The following PPM1J variants were observed in gnomAD, a reference collection of about 807,000 sequenced individuals.
PPM1J encodes the protein protein phosphatase, Mg2+/Mn2+ dependent 1J.
In PPM1J, 43 loss-of-function variants were observed where a neutral mutation model predicts 53.3. The ratio of observed to expected loss-of-function variants is 0.81; its 90% CI spans 0.63 to 1.04. PPM1J has a LOEUF of 1.04. PPM1J is among the 50% of genes least tolerant of loss of function. PPM1J has a pLI of 0.00. For synonymous variants in PPM1J, 267 were observed against 286.4 expected (o/e 0.93, Z 0.68); for missense variants, 635 against 685.9 (o/e 0.93, Z 0.83).
Position 112,714,990 on chromosome 1 carries a change from G to A in PPM1J, c.312C>T (p.Ser104=). The A allele has an allele frequency of 6.9e-7, 1 of 1,444,064 alleles. No individual in the cohort carries two copies. The highest frequency in any genetic ancestry group is 9.1e-7 in the Non-Finnish European group (1 of 1,104,756). The allele number at this position is 1,444,064 out of a possible 1,614,324, so 89.5% of individuals were successfully genotyped here. ...GGGGCGCTCACTCGGCGTAGCCTGT[G>A]CTCCAGGGCAGGCGGCGGCCCGTGT... ...PPDTGRRLPW[S]TGYAEVINAG... is the part of the protein sequence containing the mutation. Residue 104 remains serine (S), a synonymous_variant, in exon 1 of 10, where the codon AGC becomes AGT. Transcript: ENST00000309276.
In PPM1J at chr1:112,710,796, T is replaced by C; in HGVS notation, c.1166A>G (p.Lys389Arg). ...VTRGLGDHSL[K>R]VCSSTLPIKP... ...GATGGGCAGGGTGGAACTGCAGACCTTAAGGCTGTGGTCTCCCAAGCCTCG... is the reference window on the plus strand; with the variant it reads ...GATGGGCAGGGTGGAACTGCAGACCCTAAGGCTGTGGTCTCCCAAGCCTCG... Residue 389 changes from lysine to arginine, a missense_variant, in exon 8 of 10, where the codon AAG (lysine) becomes AGG (arginine). Physicochemically the swap from Lys to Arg is conservative, Grantham distance 26 (BLOSUM62 2). Transcript: ENST00000309276. 6.2e-7 allele frequency: 1 copy of C among 1,613,988 alleles called. No homozygotes were observed. Among genetic ancestry groups the C allele is most frequent in the Non-Finnish European group, 8.5e-7 (1 of 1,179,908 alleles).
Position 112,711,046 on chromosome 1 carries a change from C to T in PPM1J, c.1072G>A (p.Asp358Asn). Residue 358 changes from aspartate (D) to asparagine (N), a missense_variant, in exon 7 of 10, where the codon GAT becomes AAT. Coordinates refer to ENST00000309276, the MANE Select transcript of PPM1J (RefSeq NM_005167.7). ...CCACAGACCAGAGGAAACCTGAGAT[C>T]CTCCAGCTCGATCTTTTTGTAGGCC... ...GWAYKKIELE[D>N]LRFPLVCGEG... The T allele has an allele frequency of 6.2e-7, 1 of 1,614,078 alleles. No individual in the cohort carries two copies. Among genetic ancestry groups the T allele is most frequent in the Non-Finnish European group, 8.5e-7 (1 of 1,179,978 alleles).
In PPM1J at chr1:112,710,540, C is replaced by T; in HGVS notation, c.1290G>A (p.Leu430=). The T allele has an allele frequency of 6.2e-7, 1 of 1,614,226 alleles. No homozygotes were observed. Among genetic ancestry groups the T allele is most frequent in the Non-Finnish European group, 8.5e-7 (1 of 1,180,026 alleles). The change falls in exon 9 of 10, where the codon CTG becomes CTA. Residue 430 remains leucine (L), a synonymous_variant. Transcript: ENST00000309276. ...CCTCACAGTCAGTAGTGACATCCCA[C>T]AGGCCATCTGTTCCCAGGACTAGCA... ...DDVLVLGTDG[L]WDVTTDCEVA...
In PPM1J at chr1:112,710,597, G is replaced by C; in HGVS notation, c.1233C>G (p.Asp411Glu). ...CTGGGCAGTGCTCATATTGTGTCAG[G>C]TCATACACTCGTACCTGGTGGGAGA... ...LSCFPEVRVY[D>E]LTQYEHCPDD... Residue 411 changes from aspartate to glutamate, a missense_variant, in exon 9 of 10, where the codon GAC (aspartate) becomes GAG (glutamate). By Grantham distance (45) the Asp-to-Glu change is conservative. Coordinates refer to ENST00000309276, the MANE Select transcript of PPM1J (RefSeq NM_005167.7). 1 of 1,614,162 alleles carries C rather than the reference G, an allele frequency of 6.2e-7. No individual in the cohort carries two copies. The highest frequency in any genetic ancestry group is 1.1e-5 in the South Asian group (1 of 91,084).
chr1:112,715,052 C>T lies in PPM1J; in HGVS notation c.250G>A (p.Asp84Asn), dbSNP rs745504930. The change falls in exon 1 of 10, where the codon GAT becomes AAT. Residue 84 changes from aspartate to asparagine, a missense_variant. By Grantham distance (23) the Asp-to-Asn change is conservative. Transcript: ENST00000309276. The surrounding 1 kb of genome is among the most constrained non-coding windows in gnomAD (Gnocchi z 4.4). ...TGCACAGCCCGGCCCGCGTGGTCAT[C>T]GGCGCGTCGCAGCCCCCCGGGGCTC... ...QLSPGGLRRA[D>N]DHAGRAVQSP... 5 of 1,535,524 alleles carry T rather than the reference C, an allele frequency of 3.3e-6. No individual in the cohort carries two copies. In the Admixed American group the frequency reaches 6.0e-5, roughly 18 times the overall value.
intron 2 of PPM1J, 84 bp downstream of exon 2, chr1:112,713,413 C>T: frequency 1.1e-6 from 1 of 939,488 alleles, no homozygotes; most frequent in Non-Finnish European, 1.7e-6. Context: ...ATCAGGTCTT[C>T]CGCATGGCTC....
At position 112,713,577 on chromosome 1, in the gene PPM1J, C is replaced by T; in HGVS notation, c.361G>A (p.Asp121Asn). Residue 121 changes from aspartate to asparagine, a missense_variant, in exon 2 of 10, where the codon GAC (aspartate) becomes AAC (asparagine). Coordinates refer to ENST00000309276, the MANE Select transcript of PPM1J (RefSeq NM_005167.7). ...TACACCACTTCACAGCAAGCCTGGT[C>T]CTCATTGTGCCGACTCTTGCCAGCA... Reference protein sequence around the residue: ...INAGKSRHNEDQACCEVVYVE... With the variant: ...INAGKSRHNENQACCEVVYVE... 1 of 1,614,176 alleles carries T rather than the reference C, an allele frequency of 6.2e-7. No individual in the cohort carries two copies. Among genetic ancestry groups the T allele is most frequent in the Non-Finnish European group, 8.5e-7 (1 of 1,180,030 alleles).
In PPM1J at chr1:112,711,409, G is replaced by T. The variant is rs756647635; in HGVS notation, c.928-25C>A. On this transcript the variant is annotated intron_variant, in intron 5 of 9. Coordinates refer to ENST00000309276, the MANE Select transcript of PPM1J (RefSeq NM_005167.7). ...CCTGGAGTTGGGGATGATCAGAACA[G>T]AGAGCCAGGGGGCATTATGCTCACA... is the stretch of plus-strand genomic sequence containing the variant. 5.6e-6 allele frequency: 8 copies of T among 1,440,574 alleles called. 1 individual carries two copies. The South Asian group carries it at 9.6e-5, about 17-fold the overall frequency. 89.2% of individuals were successfully genotyped at this position (1,440,574 alleles called of 1,614,324 possible).
In PPM1J at chr1:112,710,212, T is replaced by G. The variant is rs1426513191; in HGVS notation, c.1469A>C (p.Asp490Ala). 6.3e-7 allele frequency: 1 copy of G among 1,583,738 alleles called. No homozygotes were observed. The highest frequency in any genetic ancestry group is 2.2e-5 in the East Asian group (1 of 44,644). ...CAGGGGGATGACGAAGACAGAGATG[T>G]CATCCCCGGAACCCAGCTTGTTGTT... ...LPNNKLGSGDDISVFVIPLGG... is the reference protein window; with the variant it reads ...LPNNKLGSGDAISVFVIPLGG... Residue 490 changes from aspartate (D) to alanine (A), a missense_variant, in exon 10 of 10, where the codon GAC becomes GCC. Coordinates refer to ENST00000309276, the MANE Select transcript of PPM1J (RefSeq NM_005167.7).
intron 2 of PPM1J, among the ~76,000 whole-genome samples, 155 bp downstream of exon 2, chr1:112,713,342 A>C (rs921268282): frequency 6.6e-6 from 1 of 152,198 alleles, no homozygotes; most frequent in Non-Finnish European, 1.5e-5. Flanking sequence ...TACATGGTAG[A>C]ATCTAACTGA....
Position 112,715,061 on chromosome 1 carries a change from G to A in PPM1J, c.241C>T (p.Arg81Ter). ...CGGCCCGCGTGGTCATCGGCGCGTC[G>A]CAGCCCCCCGGGGCTCAGCTGCAGA... ...TFLQLSPGGL[R>*]RADDHAGRAV... The change falls in exon 1 of 10, where the codon CGA (arginine) becomes TGA (stop). Residue 81 changes from arginine (R) to a stop codon, truncating the protein, a stop_gained. Transcript: ENST00000309276. LOFTEE classifies it high-confidence loss of function. The surrounding 1 kb of genome is among the most constrained non-coding windows in gnomAD (Gnocchi z 4.4). 5 of 1,541,522 alleles carry A rather than the reference G, an allele frequency of 3.2e-6. No homozygotes were observed. Among genetic ancestry groups the A allele is most frequent in the East Asian group, 2.6e-5 (1 of 38,748 alleles).
chr1:112,711,210 C>T (rs1675048507), intron 6 of PPM1J, 56 bp downstream of exon 6: 19 of 1,490,946 alleles, frequency 1.3e-5, no homozygotes, highest in South Asian at 6.8e-5. Context: ...TTGCTGCGGG[C>T]GAGGGACTGG....
chr1:112,711,078 A>C lies in PPM1J; in HGVS notation c.1047-7T>G, dbSNP rs1457418364. Reference sequence around the variant, plus strand: ...CTCGATCTTTTTGTAGGCCCTGGGGAGGGGGGAGTAGAGGAGGCATCACCC... The same window carrying C: ...CTCGATCTTTTTGTAGGCCCTGGGGCGGGGGGAGTAGAGGAGGCATCACCC... On this transcript the variant is annotated splice_polypyrimidine_tract_variant and splice_region_variant and intron_variant, in intron 6 of 9. Transcript: ENST00000309276. 6.2e-7 allele frequency: 1 copy of C among 1,613,314 alleles called. No homozygotes were observed. Among genetic ancestry groups the C allele is most frequent in the Non-Finnish European group, 8.5e-7 (1 of 1,179,558 alleles).
intron 1 of PPM1J, 141 bp from the exon 2 acceptor site, chr1:112,713,752 G>A: frequency 1.4e-6 from 1 of 724,510 alleles, no homozygotes; most frequent in Non-Finnish European, 2.4e-6. Context: ...GCCAGAGGGA[G>A]GAGGAGAAGG....
chr1:112,713,923 G>T (rs1470407025), intron 1 of PPM1J: 1 of 696,484 alleles, frequency 1.4e-6, no homozygotes, highest in Non-Finnish European at 2.1e-6. Context: ...ATTCCTAGTG[G>T]TGCTTCTGGG....
At chr1:112,711,239 G>A (rs774483824) in intron 6 of PPM1J, 27 bp downstream of exon 6, 15 of 1,560,696 alleles carry the variant, frequency 9.6e-6, no homozygotes, top group East Asian at 6.7e-5. Flanking sequence ...CCATGGGAAC[G>A]GGCCCCAGCT....
At chr1:112,711,809 T>A (rs543044175) in intron 5 of PPM1J, among the ~76,000 whole-genome samples, 162 bp downstream of exon 5, 7 of 152,142 alleles carry the variant, frequency 4.6e-5, no homozygotes, top group African/African-American at 1.7e-4. Context: ...TGCTGCAACC[T>A]CCCACCGGCT....
Position 112,710,234 on chromosome 1 carries a change from T to C in PPM1J, c.1447A>G (p.Asn483Asp). Residue 483 changes from asparagine (N) to aspartate (D), a missense_variant, in exon 10 of 10, where the codon AAC (asparagine) becomes GAC (aspartate). Asn to Asp is a conservative substitution (Grantham distance 23). Coordinates refer to ENST00000309276, the MANE Select transcript of PPM1J (RefSeq NM_005167.7). ...ATGTCATCCCCGGAACCCAGCTTGTTGTTGGGGAGACGCCAGCCACGGTCT... is the reference window on the plus strand; with the variant it reads ...ATGTCATCCCCGGAACCCAGCTTGTCGTTGGGGAGACGCCAGCCACGGTCT... ...PRDRGWRLPN[N>D]KLGSGDDISV... The C allele has an allele frequency of 6.3e-7, 1 of 1,589,784 alleles. No individual in the cohort carries two copies.
Position 112,713,003 on chromosome 1 carries a change from A to G in PPM1J, c.470T>C (p.Phe157Ser), listed in dbSNP as rs745880232. ...QGLCFYYWGL[F>S]DGHAGGGAAE... is the part of the protein sequence containing the mutation. The stretch of plus-strand genomic sequence containing the variant: ...AGCTCCGCCCCCTGCATGCCCATCA[A>G]ATAGGCCCCAGTAGTAGAAGCAGAG... Residue 157 changes from phenylalanine (F) to serine (S), a missense_variant, in exon 3 of 10, where the codon TTT (phenylalanine) becomes TCT (serine). Coordinates refer to ENST00000309276, the MANE Select transcript of PPM1J (RefSeq NM_005167.7). The G allele has an allele frequency of 9.3e-6, 15 of 1,609,254 alleles. No homozygotes were observed. Among genetic ancestry groups the G allele is most frequent in the South Asian group, 4.4e-5 (4 of 90,866 alleles).
Sources: gnomAD v4.1 joint callset for allele counts (sites outside exome capture counted in the v4.1 genomes callset) on GRCh38, gnomAD v4.1.1 for gene constraint, Gnocchi (gnomAD v3.1) non-coding constraint, MANE v1.5 for transcripts, NCBI Gene and HGNC (gene_info 2026-07-23, HGNC 2026-07-21) for gene names.